KCNH1: variants seen among roughly 807,000 people sequenced by gnomAD.
KCNH1 encodes potassium voltage-gated channel subfamily H member 1.
Under a neutral mutation model 69.2 loss-of-function variants are expected in KCNH1, and 27 were observed. The ratio of observed to expected loss-of-function variants is 0.39; its 90% CI spans 0.29 to 0.54. KCNH1 has a LOEUF of 0.54. Ranked by LOEUF, KCNH1 falls within the 20% of genes least tolerant of loss-of-function variation. The pLI, the probability that KCNH1 is intolerant of heterozygous loss-of-function variation, is 0.68. For missense variants in KCNH1, 798 were observed against 1,261.6 expected, an observed-to-expected ratio of 0.63 and a Z score of 5.57; for synonymous variants, 456 against 487.7, an observed-to-expected ratio of 0.93 and a Z score of 0.86.
intron 10 of KCNH1, among the ~76,000 whole-genome samples, chr1:210,722,158 T>G (rs1221669839): frequency 6.6e-6 from 1 of 152,140 alleles, no homozygotes; most frequent in Non-Finnish European, 1.5e-5. Flanking sequence ...CGTTAAAAGA[T>G]TACACATTAA....
At chr1:210,691,262 A>C (rs1047046324) in intron 10 of KCNH1, among the ~76,000 whole-genome samples, 1 of 152,218 alleles carries the variant, frequency 6.6e-6, no homozygotes, top group Non-Finnish European at 1.5e-5. Flanking sequence ...CAAGACACAA[A>C]GGCAGAAATG....
chr1:210,978,290 G>A (rs750673270), intron 6 of KCNH1, among the ~76,000 whole-genome samples: 19 of 151,930 alleles, frequency 1.3e-4, no homozygotes, highest in East Asian at 3.9e-4. Context: ...TGCCTGCCTC[G>A]GCCTCCCAAA....
intron 4 of KCNH1, among the ~76,000 whole-genome samples, chr1:211,084,320 C>A (rs1558597899): frequency 6.6e-6 from 1 of 152,114 alleles, no homozygotes; most frequent in Non-Finnish European, 1.5e-5. Flanking sequence ...TCGAGAAGAG[C>A]AGAGAGTTTA....
chr1:211,052,284 C>G (rs1690221281), intron 5 of KCNH1, among the ~76,000 whole-genome samples: 1 of 152,244 alleles, frequency 6.6e-6, no homozygotes, highest in Admixed American at 6.5e-5. Context: ...GAAGGCCATG[C>G]ACTGGTTCGG....
intron 7 of KCNH1, among the ~76,000 whole-genome samples, chr1:210,814,585 T>C (rs1341134798): frequency 6.6e-6 from 1 of 152,166 alleles, no homozygotes; most frequent in Non-Finnish European, 1.5e-5. Flanking sequence ...AGCACTGGAA[T>C]GGAATTCATG....
intron 7 of KCNH1, among the ~76,000 whole-genome samples, chr1:210,873,513 T>A (rs1686295988): frequency 6.6e-6 from 1 of 151,662 alleles, no homozygotes; most frequent in African/African-American, 2.4e-5. Flanking sequence ...GTGCCCAGCT[T>A]ATTTTTTTTT....
chr1:210,964,296 A>G (rs755314765), intron 6 of KCNH1, among the ~76,000 whole-genome samples: 3 of 152,334 alleles, frequency 2.0e-5, no homozygotes, highest in Middle Eastern at 3.4e-3. Context: ...AGCACTAAAC[A>G]TGGAAAGGAA....
rs896810026 is a variant in KCNH1, at chr1:211,054,385, CAT to C, written c.558+28393_558+28394del. Among the ~76,000 whole-genome samples, 13 of 152,024 alleles carry C rather than the reference CAT, an allele frequency of 8.6e-5. No individual in the cohort carries two copies. The East Asian group carries it at 2.3e-3, about 27-fold the overall frequency. On this transcript the variant is annotated intron_variant, in intron 5 of 10. Transcript: ENST00000271751. ...TTCAGAGAGACGGAATAAATAATGA[CAT>C]ATGTAGAAATGAAAAGACTAAAAGA... is the stretch of plus-strand genomic sequence containing the variant.
chr1:211,074,097 T>TG, intron 5 of KCNH1, among the ~76,000 whole-genome samples: 1 of 119,736 alleles, frequency 8.4e-6, no homozygotes, highest in East Asian at 2.5e-4. Flanking sequence ...TTCCACCAAT[T>TG]AAAAAAAAAA....
chr1:210,862,871 C>T (rs74919638), intron 7 of KCNH1, among the ~76,000 whole-genome samples: 3,440 of 152,244 alleles, frequency 0.023, 129 homozygotes, highest in African/African-American at 0.079. Context: ...TTGGCTGAAT[C>T]TCAAAAATGT....
At chr1:210,916,102 C>A (rs1687327675) in intron 7 of KCNH1, among the ~76,000 whole-genome samples, 1 of 152,018 alleles carries the variant, frequency 6.6e-6, no homozygotes, top group African/African-American at 2.4e-5. Context: ...TACTGTTGAT[C>A]CCAAATCTGA....
At chr1:211,030,318 T>C (rs545850068) in intron 5 of KCNH1, among the ~76,000 whole-genome samples, 341 of 152,306 alleles carry the variant, frequency 2.2e-3, no homozygotes, top group African/African-American at 7.8e-3. Flanking sequence ...AATAAAGCTG[T>C]TTTTAAAAAG....
In KCNH1 at chr1:210,777,785, G is replaced by A. The variant is rs116795103; in HGVS notation, c.1916-2241C>T. Among the ~76,000 whole-genome samples the A allele has an allele frequency of 9.9e-3, 1,501 of 152,200 alleles. 21 individuals carry two copies. Among genetic ancestry groups the A allele is most frequent in the Admixed American group, 0.017 (267 of 15,296 alleles). The stretch of plus-strand genomic sequence containing the variant: ...AGGCCCCATCCATTCTTTTCCATAC[G>A]GTACACACATGCTGCAACTCACATC... On this transcript the variant is annotated intron_variant, in intron 9 of 10. Coordinates refer to ENST00000271751, the MANE Select transcript of KCNH1 (RefSeq NM_172362.3).
chr1:211,026,285 G>A (rs1294674630), intron 5 of KCNH1, among the ~76,000 whole-genome samples: 2 of 151,082 alleles, frequency 1.3e-5, no homozygotes, highest in Non-Finnish European at 2.9e-5. Context: ...GAATGACACA[G>A]TGGTGAGCTC....
intron 7 of KCNH1, among the ~76,000 whole-genome samples, chr1:210,844,994 C>T (rs1257615244): frequency 2.0e-5 from 3 of 152,158 alleles, no homozygotes; most frequent in Non-Finnish European, 2.9e-5. Flanking sequence ...TGGATAAATT[C>T]CTCGACACAT....
chr1:210,724,720 C>T (rs1239875087), intron 10 of KCNH1, among the ~76,000 whole-genome samples: 9 of 152,146 alleles, frequency 5.9e-5, no homozygotes, highest in Non-Finnish European at 1.0e-4. Flanking sequence ...TTCAGGGTCT[C>T]ATAATAGCTT....
At chr1:210,800,566 G>A (rs751110395) in intron 8 of KCNH1, among the ~76,000 whole-genome samples, 1 of 152,264 alleles carries the variant, frequency 6.6e-6, no homozygotes, top group South Asian at 2.1e-4. Flanking sequence ...ACCTGGAGAG[G>A]AGAAATTGCA....
intron 2 of KCNH1, among the ~76,000 whole-genome samples, 196 bp downstream of exon 2, chr1:211,107,058 A>C (rs1228651961): frequency 1.3e-5 from 2 of 152,154 alleles, no homozygotes; most frequent in African/African-American, 2.4e-5. Flanking sequence ...CAAGTTTGTC[A>C]GTTGTGGGAA....
chr1:210,728,892 C>T (rs960477161), intron 10 of KCNH1, among the ~76,000 whole-genome samples: 21 of 152,206 alleles, frequency 1.4e-4, no homozygotes, highest in Non-Finnish European at 1.8e-4. Context: ...AATCTGCATC[C>T]CAACCTGCTA....
Sources: allele counts gnomAD v4.1 joint callset (sites outside exome capture counted in the v4.1 genomes callset), GRCh38; gene constraint gnomAD v4.1.1; transcripts MANE v1.5; gene names NCBI Gene and HGNC (gene_info 2026-07-23, HGNC 2026-07-21).